Variants in RGS11 observed in about 807,000 individuals in gnomAD.
RGS11 encodes the protein regulator of G protein signaling 11.
RGS11 carries 86 observed loss-of-function variants against 71.1 expected under a neutral mutation model. The ratio of observed to expected loss-of-function variants is 1.21; its 90% CI spans 1.02 to 1.45. The LOEUF is 1.45. Among genes scored for constraint, RGS11 ranks in the 40% most tolerant of loss-of-function variants. RGS11 has a pLI of 0.00. For synonymous variants in RGS11, 298 were observed against 254.2 expected, an observed-to-expected ratio of 1.17 and a Z score of -1.64; for missense variants, 734 against 635.1, an observed-to-expected ratio of 1.16 and a Z score of -1.67.
chr16:275,413 T>G lies in RGS11; in HGVS notation c.149A>C (p.His50Pro). The stretch of plus-strand genomic sequence containing the variant: ...CCGGCGCGCCTCACCTGTCACCGCG[T>G]GGGGAATGACGGTGACCAGCAGGCG... ...SQRLLVTVIP[H>P]AVTGSDVVQW... Residue 50 changes from histidine to proline, a missense_variant, in exon 2 of 17, where the codon CAC (histidine) becomes CCC (proline). By Grantham distance (77) the His-to-Pro change is moderately conservative. Coordinates refer to ENST00000397770, the MANE Select transcript of RGS11 (RefSeq NM_183337.3). 9 of 1,605,580 alleles carry G rather than the reference T, an allele frequency of 5.6e-6. No individual in the cohort carries two copies. Among genetic ancestry groups the G allele is most frequent in the Non-Finnish European group, 7.6e-6 (9 of 1,179,174 alleles).
In RGS11 at chr16:271,467, T is replaced by C. The variant is rs753426799; in HGVS notation, c.688-7A>G. ...CTTTCCTGAAGTACTCGATCTAGGA[T>C]GTGGGGCCTGTGAGTCAGGTCCCGG... On this transcript the variant is annotated splice_polypyrimidine_tract_variant and splice_region_variant and intron_variant, in intron 10 of 16. Transcript: ENST00000397770. 2 of 1,613,894 alleles carry C rather than the reference T, an allele frequency of 1.2e-6. No homozygotes were observed. Among genetic ancestry groups the C allele is most frequent in the South Asian group, 2.2e-5 (2 of 91,082 alleles).
At chr16:274,739 G>A in intron 4 of RGS11, 1 of 706,080 alleles carries the variant, frequency 1.4e-6, no homozygotes, top group South Asian at 1.5e-5. Context: ...GTGGGGCCCT[G>A]CTGTGGTCCC....
chr16:269,699 G>C, intron 15 of RGS11, 114 bp from the exon 16 acceptor site: 1 of 847,662 alleles, frequency 1.2e-6, no homozygotes. Context: ...AGAGTCTCCG[G>C]CGGACAGGGT....
At chr16:274,306 C>G (rs770548858) in intron 4 of RGS11, 41 bp from the exon 5 acceptor site, 1 of 1,583,008 alleles carries the variant, frequency 6.3e-7, no homozygotes, top group African/African-American at 1.3e-5. Context: ...ACGCCTGCGT[C>G]TGTGCCTCCC....
intron 9 of RGS11, chr16:272,231 G>A: frequency 8.4e-7 from 1 of 1,195,830 alleles, no homozygotes; most frequent in Non-Finnish European, 1.1e-6. Flanking sequence ...AACCAGGTGT[G>A]ACCTTCATTG....
rs963745955 is a variant in RGS11, at chr16:269,890, C to T, written c.1207-305G>A. 19 of 341,134 alleles carry T rather than the reference C, an allele frequency of 5.6e-5. 1 individual carries two copies. In the East Asian group the frequency reaches 9.9e-4, roughly 18 times the overall value. 21.1% of individuals were successfully genotyped at this position (341,134 alleles called of 1,614,324 possible). ...GAACCAGGAATGGCTCCGTGTGCCC[C>T]ACAGAGTGAGGGCAGGGTTGTGGAG... On this transcript the variant is annotated intron_variant, in intron 15 of 16. Coordinates refer to ENST00000397770, the MANE Select transcript of RGS11 (RefSeq NM_183337.3).
chr16:275,457 G>T lies in RGS11; in HGVS notation c.105C>A (p.Gly35=), dbSNP rs1468755275. Reference sequence around the variant, plus strand: ...GCAGGCGCTGGCTCCGCATCTTCACGCCCTGGTCGGGGTCCTGCATGCTCA... The same window carrying T: ...GCAGGCGCTGGCTCCGCATCTTCACTCCCTGGTCGGGGTCCTGCATGCTCA... ...VVVSMQDPDQ[G]VKMRSQRLLV... is the part of the protein sequence containing the mutation. The change falls in exon 2 of 17, where the codon GGC becomes GGA. Residue 35 remains glycine, a synonymous_variant. Coordinates refer to ENST00000397770, the MANE Select transcript of RGS11 (RefSeq NM_183337.3). 10 of 1,594,428 alleles carry T rather than the reference G, an allele frequency of 6.3e-6. No individual in the cohort carries two copies. The highest frequency in any genetic ancestry group is 8.5e-6 in the Non-Finnish European group (10 of 1,177,366).
At chr16:272,435 G>C (rs751289653) in intron 9 of RGS11, 1 of 1,306,318 alleles carries the variant, frequency 7.7e-7, no homozygotes, top group Non-Finnish European at 1.0e-6. Flanking sequence ...AAAGGGTTTT[G>C]CTGCTGCGGG....
intron 9 of RGS11, 158 bp downstream of exon 9, chr16:272,705 A>G: frequency 2.0e-6 from 3 of 1,478,230 alleles, no homozygotes; most frequent in Non-Finnish European, 2.7e-6. Context: ...CCTGGGGAAC[A>G]GGGAGTGACC....
intron 9 of RGS11, chr16:272,488 C>T (rs1011580515): frequency 8.9e-6 from 12 of 1,346,948 alleles, no homozygotes; most frequent in Non-Finnish European, 1.2e-5. Context: ...GTTCTGGAGG[C>T]CTCCACCTGG....
At chr16:272,680 G>A (rs1053991998) in intron 9 of RGS11, 183 bp downstream of exon 9, 66 of 1,464,680 alleles carry the variant, frequency 4.5e-5, no homozygotes, top group Non-Finnish European at 5.3e-5. Context: ...GAGAGAAAGC[G>A]AGAGTTAGCA....
Position 272,347 on chromosome 16 carries a change from G to A in RGS11, c.657+516C>T, listed in dbSNP as rs148423037. On this transcript the variant is annotated intron_variant, in intron 9 of 16. Coordinates refer to ENST00000397770, the MANE Select transcript of RGS11 (RefSeq NM_183337.3). ...CTTTGTATGGGGAAATGTTAGGGTC[G>A]TGAACTTAAGAAGTTTTATCAGTGA... The A allele has an allele frequency of 3.5e-3, 4,578 of 1,289,840 alleles. 21 individuals are homozygous for A. Among genetic ancestry groups the A allele is most frequent in the South Asian group, 0.01 (846 of 81,018 alleles). The allele number at this position is 1,289,840 out of a possible 1,614,324, so 79.9% of individuals were successfully genotyped here. A position where few individuals can be genotyped will look rare whatever the true frequency, so the allele number is the denominator to read the frequency against.
chr16:273,905 G>C (rs1004398544), intron 6 of RGS11, 69 bp from the exon 7 acceptor site: 4 of 1,514,852 alleles, frequency 2.6e-6, no homozygotes, highest in Non-Finnish European at 3.7e-6. Context: ...TGGGCAGTTG[G>C]GGGGTTGGGG....
rs538004424 is a variant in RGS11, at chr16:271,463, A to G, written c.688-3T>C. 36 of 1,613,796 alleles carry G rather than the reference A, an allele frequency of 2.2e-5. No homozygotes were observed. In the African/African-American group the frequency reaches 4.1e-4, roughly 19 times the overall value. On this transcript the variant is annotated splice_polypyrimidine_tract_variant and splice_region_variant and intron_variant, in intron 10 of 16. Transcript: ENST00000397770. ...AGCGCTTTCCTGAAGTACTCGATCTAGGATGTGGGGCCTGTGAGTCAGGTC... is the reference window on the plus strand; with the variant it reads ...AGCGCTTTCCTGAAGTACTCGATCTGGGATGTGGGGCCTGTGAGTCAGGTC...
At chr16:272,253 G>T in intron 9 of RGS11, 4 of 1,211,384 alleles carry the variant, frequency 3.3e-6, no homozygotes, top group Non-Finnish European at 4.2e-6. Flanking sequence ...TCGGCACCTC[G>T]CTGGGGCCAG....
chr16:268,823 G>T lies in RGS11; in HGVS notation c.*446C>A, dbSNP rs114887633. The T allele has an allele frequency of 0.017, 26,090 of 1,550,374 alleles. 301 individuals are homozygous for T. The highest frequency in any genetic ancestry group is 0.048 in the African/African-American group (3,537 of 73,148). ...GAGGCTCTTGGACGGGGCAGAGCTC[G>T]CGCCGAGACCTGCATGTCCGCGTCT... On this transcript the variant is annotated 3_prime_UTR_variant, in exon 17 of 17. Transcript: ENST00000397770.
rs201817421 is a variant in RGS11, at chr16:272,918, T to C, written c.602A>G (p.Asp201Gly). The C allele has an allele frequency of 1.2e-4, 177 of 1,519,564 alleles. No homozygotes were observed. Among genetic ancestry groups the C allele is most frequent in the Non-Finnish European group, 1.4e-4 (159 of 1,129,024 alleles). The allele number at this position is 1,519,564 out of a possible 1,614,324, so 94.1% of individuals were successfully genotyped here. A position where few individuals can be genotyped will look rare whatever the true frequency, so the allele number is the denominator to read the frequency against. ...CCGCCCTGGACCCTGCTCCAGCACATCGGGGGCCCCGGGCTGCGGAGGGGA... is the reference window on the plus strand; with the variant it reads ...CCGCCCTGGACCCTGCTCCAGCACACCGGGGGCCCCGGGCTGCGGAGGGGA... ...LVNRPPPGAP[D>G]VLEQGPGRGS... The change falls in exon 9 of 17, where the codon GAT becomes GGT. Residue 201 changes from aspartate (D) to glycine (G), a missense_variant. Physicochemically the swap from Asp to Gly is moderately conservative, Grantham distance 94. Coordinates refer to ENST00000397770, the MANE Select transcript of RGS11 (RefSeq NM_183337.3).
At chr16:274,619 G>A (rs1360243629) in intron 4 of RGS11, 5 of 623,764 alleles carry the variant, frequency 8.0e-6, no homozygotes, top group East Asian at 3.1e-5. Context: ...ACCCTGATGT[G>A]GTTAGGGAGG....
rs1567232281 is a variant in RGS11 at position 268,430 on chromosome 16, G to T, written c.*839C>A. 2.8e-6 allele frequency: 1 copy of T among 362,378 alleles called. No homozygotes were observed. Among genetic ancestry groups the T allele is most frequent in the Non-Finnish European group, 5.2e-6 (1 of 191,856 alleles). The allele number at this position is 362,378 out of a possible 1,614,324, so 22.4% of individuals were successfully genotyped here. On this transcript the variant is annotated 3_prime_UTR_variant, in exon 17 of 17. Coordinates refer to ENST00000397770, the MANE Select transcript of RGS11 (RefSeq NM_183337.3). ...CCCTACCGCCGAGAGAGTTGAAGCT[G>T]CACCCCCGAAAGGAGCCAGCTGTAC... is the stretch of plus-strand genomic sequence containing the variant.
Sources: allele counts gnomAD v4.1 joint callset, GRCh38; gene constraint gnomAD v4.1.1; transcripts MANE v1.5; gene names NCBI Gene and HGNC (gene_info 2026-07-23, HGNC 2026-07-21).